Variants in BCL2 observed in about 807,000 individuals in gnomAD.
BCL2 encodes the protein apoptosis regulator Bcl-2.
BCL2 carries 1 observed loss-of-function variant against 14.2 expected under a neutral mutation model. The ratio of observed to expected loss-of-function variants is 0.07; its 90% CI spans 0.02 to 0.33. BCL2 has a LOEUF of 0.33. Among genes scored for constraint, BCL2 ranks in the 10% least tolerant of loss-of-function variants. The pLI is 0.99. For missense variants in BCL2, 247 were observed against 305.9 expected (o/e 0.81, Z 1.44); for synonymous variants, 151 against 137.2 (o/e 1.10, Z -0.70).
intron 2 of BCL2, among the ~76,000 whole-genome samples, chr18:63,253,308 C>T (rs560588843): frequency 1.3e-5 from 2 of 152,366 alleles, no homozygotes; most frequent in African/African-American, 4.8e-5. Context: ...ACTGCTCACA[C>T]CTGACACTAC....
chr18:63,253,685 T>C (rs1360935300), intron 2 of BCL2, among the ~76,000 whole-genome samples: 1 of 152,226 alleles, frequency 6.6e-6, no homozygotes, highest in East Asian at 1.9e-4. Context: ...AATAGTTGAA[T>C]CATTTAATTG....
intron 2 of BCL2, among the ~76,000 whole-genome samples, chr18:63,286,697 C>T (rs997067501): frequency 8.5e-5 from 13 of 152,058 alleles, no homozygotes; most frequent in African/African-American, 2.7e-4. Context: ...ATTTGGTTTG[C>T]GGCAGTTTCC....
intron 2 of BCL2, among the ~76,000 whole-genome samples, chr18:63,148,661 GAA>G (rs67959905): frequency 1.3e-4 from 18 of 141,574 alleles, no homozygotes; most frequent in East Asian, 6.0e-4. Context: ...AATGTAGTAG[GAA>G]AAAAAAAAAA....
At chr18:63,253,514 A>G (rs1482738490) in intron 2 of BCL2, among the ~76,000 whole-genome samples, 2 of 152,222 alleles carry the variant, frequency 1.3e-5, no homozygotes, top group African/African-American at 2.4e-5. Context: ...ACTTTATGAA[A>G]GAGGTTTCTG....
chr18:63,271,226 T>C (rs1911994445), intron 2 of BCL2, among the ~76,000 whole-genome samples: 1 of 152,186 alleles, frequency 6.6e-6, no homozygotes, highest in African/African-American at 2.4e-5. Flanking sequence ...AATTAGGCAC[T>C]CTTCCTCTTT....
intron 2 of BCL2, among the ~76,000 whole-genome samples, chr18:63,308,311 C>T (rs1913204932): frequency 6.6e-6 from 1 of 152,174 alleles, no homozygotes. Flanking sequence ...TTTTGTGCTG[C>T]AGTTCTTTTT....
At chr18:63,167,162 G>T (rs1236055596) in intron 2 of BCL2, among the ~76,000 whole-genome samples, 1 of 152,142 alleles carries the variant, frequency 6.6e-6, no homozygotes, top group Non-Finnish European at 1.5e-5. Flanking sequence ...TTGCTAGGGG[G>T]TTGGCTGTCT....
intron 2 of BCL2, among the ~76,000 whole-genome samples, chr18:63,132,039 T>C (rs985438065): frequency 1.3e-5 from 2 of 152,198 alleles, no homozygotes; most frequent in South Asian, 2.1e-4. Context: ...TAGAACAATG[T>C]CATTTCTAGA....
At chr18:63,271,699 T>G (rs960429928) in intron 2 of BCL2, among the ~76,000 whole-genome samples, 1 of 152,342 alleles carries the variant, frequency 6.6e-6, no homozygotes, top group African/African-American at 2.4e-5. Flanking sequence ...AAAGATTTTC[T>G]ATCCCTAGGC....
Position 63,169,821 on chromosome 18 carries a change from C to G in BCL2, c.586-41062G>C, listed in dbSNP as rs547455171. ...TACAGGTGTGAGCCACCGTGCCCAG[C>G]GCGTTTTCTTTAAGGGGTAGATGCC... On this transcript the variant is annotated intron_variant, in intron 2 of 2. Coordinates refer to ENST00000333681, the MANE Select transcript of BCL2 (RefSeq NM_000633.3). Among the ~76,000 whole-genome samples the G allele has an allele frequency of 2.0e-5, 3 of 152,090 alleles. No individual in the cohort carries two copies. The South Asian group carries it at 6.2e-4, about 32-fold the overall frequency.
chr18:63,168,245 C>T (rs1012802969), intron 2 of BCL2, among the ~76,000 whole-genome samples: 2 of 151,918 alleles, frequency 1.3e-5, no homozygotes, highest in Non-Finnish European at 2.9e-5. Context: ...TTTAGAATTC[C>T]TTCCCTGGGC....
intron 2 of BCL2, among the ~76,000 whole-genome samples, chr18:63,305,674 T>C (rs1913105981): frequency 6.6e-6 from 1 of 152,200 alleles, no homozygotes; most frequent in Non-Finnish European, 1.5e-5. Context: ...TCCTCAAATA[T>C]ACTTTTATTA....
chr18:63,247,018 A>C (rs1244984589), intron 2 of BCL2, among the ~76,000 whole-genome samples: 6 of 152,194 alleles, frequency 3.9e-5, no homozygotes, highest in Admixed American at 3.3e-4. Flanking sequence ...GATGTCTTCA[A>C]CACTAGCAGC....
intron 2 of BCL2, among the ~76,000 whole-genome samples, chr18:63,169,312 C>T (rs1220550542): frequency 0.017 from 720 of 42,216 alleles, 70 homozygotes; most frequent in Middle Eastern, 0.059. Flanking sequence ...TTCTTTCTTC[C>T]TTCCTTCCTT....
intron 2 of BCL2, among the ~76,000 whole-genome samples, chr18:63,277,299 A>G (rs1410301291): frequency 6.6e-6 from 1 of 152,098 alleles, no homozygotes; most frequent in African/African-American, 2.4e-5. Flanking sequence ...GATTTTGTCT[A>G]TCTTGTTCCC....
intron 2 of BCL2, among the ~76,000 whole-genome samples, chr18:63,279,645 T>C (rs1160418739): frequency 6.6e-6 from 1 of 152,198 alleles, no homozygotes; most frequent in Non-Finnish European, 1.5e-5. Context: ...ACAGGTACAA[T>C]AATGTTCACA....
chr18:63,196,772 T>C (rs986917227), intron 2 of BCL2, among the ~76,000 whole-genome samples: 1 of 152,214 alleles, frequency 6.6e-6, no homozygotes, highest in Non-Finnish European at 1.5e-5. Flanking sequence ...AAAACTTTTT[T>C]AAATAAAAGC....
intron 2 of BCL2, among the ~76,000 whole-genome samples, chr18:63,219,898 T>C (rs796681609): frequency 1.8e-4 from 27 of 152,354 alleles, no homozygotes; most frequent in African/African-American, 5.0e-4. Context: ...CTGAATATAC[T>C]AGCGGTAAAA....
chr18:63,145,835 G>C (rs1914497305), intron 2 of BCL2, among the ~76,000 whole-genome samples: 1 of 152,164 alleles, frequency 6.6e-6, no homozygotes, highest in African/African-American at 2.4e-5. Flanking sequence ...TTCATGCACA[G>C]TGACTATAAG....
Sources: gnomAD v4.1 joint callset for allele counts (sites outside exome capture counted in the v4.1 genomes callset) on GRCh38, gnomAD v4.1.1 for gene constraint, MANE v1.5 for transcripts, NCBI Gene and HGNC (gene_info 2026-07-23, HGNC 2026-07-21) for gene names.